The following CPXM2 variants were observed in gnomAD, a reference collection of about 807,000 sequenced individuals.
The protein encoded by CPXM2 is inactive carboxypeptidase-like protein X2.
A neutral mutation model predicts 86.1 loss-of-function variants in CPXM2; 66 were observed. The ratio of observed to expected loss-of-function variants is 0.77; its 90% CI spans 0.63 to 0.94. The LOEUF (loss-of-function observed/expected upper bound fraction) is 0.94, where lower values mean the gene tolerates loss of function less well. CPXM2 is among the 40% of genes least tolerant of loss of function. The probability of loss-of-function intolerance (pLI) is 0.00; values close to 1 mark genes in which losing one functional copy is unlikely to be tolerated. For missense variants in CPXM2, 948 were observed against 1,026.3 expected (o/e 0.92, Z 1.04); for synonymous variants, 388 against 400.2 (o/e 0.97, Z 0.36).
chr10:123,834,554 C>A (rs1024310491), intron 4 of CPXM2, among the ~76,000 whole-genome samples: 1 of 152,196 alleles, frequency 6.6e-6, no homozygotes, highest in African/African-American at 2.4e-5. Flanking sequence ...GGCTCCAGGG[C>A]AGCAGCAGGC....
intron 4 of CPXM2, 120 bp from the exon 5 acceptor site, chr10:123,799,319 C>A: frequency 8.7e-7 from 1 of 1,143,788 alleles, no homozygotes; most frequent in Non-Finnish European, 1.3e-6. Flanking sequence ...CAAACCCTGG[C>A]TCCAGGACAT....
In CPXM2 at chr10:123,842,448, C is replaced by T. The variant is rs1227507322; in HGVS notation, c.554G>A (p.Cys185Tyr). 3 of 1,614,070 alleles carry T rather than the reference C, an allele frequency of 1.9e-6. No individual in the cohort carries two copies. The highest frequency in any genetic ancestry group is 1.1e-5 in the South Asian group (1 of 91,086). ...NENDFYDGAW[C>Y]AGRNDLQQWI... ...CTGCTGGAGGTCATTTCTTCCCGCG[C>T]ACCACGCTCCGTCATAAAAATCATT... Residue 185 changes from cysteine to tyrosine, a missense_variant, in exon 4 of 14, where the codon TGC (cysteine) becomes TAC (tyrosine). Coordinates refer to ENST00000241305, the MANE Select transcript of CPXM2 (RefSeq NM_198148.3).
At position 123,754,616 on chromosome 10, in the gene CPXM2, A is replaced by T. The variant is rs546528104; in HGVS notation, c.2017+47T>A. On this transcript the variant is annotated intron_variant, in intron 13 of 13. Coordinates refer to ENST00000241305, the MANE Select transcript of CPXM2 (RefSeq NM_198148.3). This position sits in a 1 kb window ranked among gnomAD's most constrained non-coding sequence, Gnocchi z 4.0. ...GTAACCCAAGTAAAATGCCTAAAAAAATGGGTATTTCTTACCAAGAGACAG... is the reference window on the plus strand; with the variant it reads ...GTAACCCAAGTAAAATGCCTAAAAATATGGGTATTTCTTACCAAGAGACAG... 5.9e-5 allele frequency: 60 copies of T among 1,016,068 alleles called. No homozygotes were observed. In the Admixed American group the frequency reaches 1.0e-3, roughly 17 times the overall value. 62.9% of individuals were successfully genotyped at this position (1,016,068 alleles called of 1,614,324 possible).
intron 2 of CPXM2, among the ~76,000 whole-genome samples, chr10:123,928,327 T>C (rs1370456098): frequency 6.6e-6 from 1 of 152,228 alleles, no homozygotes; most frequent in East Asian, 1.9e-4. Flanking sequence ...AGTGGTGGAC[T>C]GTTTCTGTAT....
At chr10:123,930,050 T>C (rs1354476602) in intron 2 of CPXM2, among the ~76,000 whole-genome samples, 1 of 152,184 alleles carries the variant, frequency 6.6e-6, no homozygotes, top group Non-Finnish European at 1.5e-5. Flanking sequence ...CTGAAGAACC[T>C]GGCTCCCCTC....
At chr10:123,812,810 C>T (rs1445530758) in intron 4 of CPXM2, among the ~76,000 whole-genome samples, 2 of 152,128 alleles carry the variant, frequency 1.3e-5, no homozygotes, top group Non-Finnish European at 2.9e-5. Context: ...CAGTTTCATC[C>T]TAAAACCACC....
chr10:123,880,358 G>A (rs752264532), intron 1 of CPXM2, 49 bp from the exon 2 acceptor site: 1 of 834,192 alleles, frequency 1.2e-6, no homozygotes, highest in East Asian at 2.4e-5. Context: ...ATCAGAGCTG[G>A]TTCAAGATGC....
chr10:123,867,623 C>G (rs148290830), intron 2 of CPXM2, among the ~76,000 whole-genome samples: 2,607 of 150,998 alleles, frequency 0.017, 70 homozygotes, highest in South Asian at 0.085. Flanking sequence ...ACCTCCACCT[C>G]CCAGGTTCAA....
At chr10:123,802,060 G>A (rs1847470668) in intron 4 of CPXM2, among the ~76,000 whole-genome samples, 1 of 152,198 alleles carries the variant, frequency 6.6e-6, no homozygotes, top group African/African-American at 2.4e-5. Flanking sequence ...AGGGCACATG[G>A]CACTTGGAGG....
At chr10:123,780,146 G>A (rs1846898490) in intron 7 of CPXM2, 21 bp downstream of exon 7, 1 of 1,488,974 alleles carries the variant, frequency 6.7e-7, no homozygotes, top group Non-Finnish European at 9.4e-7. Context: ...CTGGCATGAG[G>A]CTTTGTGATC....
At chr10:123,749,707 C>T (rs1846033538) in intron 13 of CPXM2, among the ~76,000 whole-genome samples, 1 of 152,244 alleles carries the variant, frequency 6.6e-6, no homozygotes, top group East Asian at 1.9e-4. Context: ...TATACTGTTC[C>T]CACTGCTGTT....
chr10:123,781,376 G>A (rs1013906475), intron 6 of CPXM2, among the ~76,000 whole-genome samples: 7 of 152,208 alleles, frequency 4.6e-5, no homozygotes, highest in African/African-American at 1.7e-4. Context: ...GGAGAGGACA[G>A]GGAGGAGCAA....
intron 5 of CPXM2, 120 bp downstream of exon 5, chr10:123,798,995 G>T: frequency 9.1e-7 from 1 of 1,095,828 alleles, no homozygotes; most frequent in Non-Finnish European, 1.4e-6. Flanking sequence ...GACTGTAGTG[G>T]TAGGTTTGAG....
chr10:123,822,905 C>G (rs1311648375), intron 4 of CPXM2, among the ~76,000 whole-genome samples: 1 of 152,014 alleles, frequency 6.6e-6, no homozygotes, highest in Non-Finnish European at 1.5e-5. Context: ...TATGGGGTTT[C>G]TTTTTGGTAT....
chr10:123,811,574 A>C (rs1182001458), intron 4 of CPXM2, among the ~76,000 whole-genome samples: 1 of 152,232 alleles, frequency 6.6e-6, no homozygotes, highest in Non-Finnish European at 1.5e-5. Context: ...CCAAATCATA[A>C]AAGACAAATA....
chr10:123,797,908 G>A, intron 6 of CPXM2, 68 bp downstream of exon 6: 3 of 1,429,286 alleles, frequency 2.1e-6, no homozygotes, highest in Non-Finnish European at 2.8e-6. Context: ...ATTTTTATTT[G>A]TCTTGGCTGG....
chr10:123,757,164 T>C (rs2133979147), intron 12 of CPXM2, 49 bp downstream of exon 12: 1 of 1,577,586 alleles, frequency 6.3e-7, no homozygotes, highest in South Asian at 1.1e-5. Context: ...CTCGGCAGCC[T>C]CATCCCCCAG....
At chr10:123,780,332 G>A in intron 6 of CPXM2, 77 bp from the exon 7 acceptor site, 1 of 957,546 alleles carries the variant, frequency 1.0e-6, no homozygotes, top group Admixed American at 1.7e-5. Context: ...GACACATGGG[G>A]ACTGCACGGA....
Position 123,808,704 on chromosome 10 carries a change from T to C in CPXM2, c.654-9505A>G, listed in dbSNP as rs543935667. On this transcript the variant is annotated intron_variant, in intron 4 of 13. Coordinates refer to ENST00000241305, the MANE Select transcript of CPXM2 (RefSeq NM_198148.3). ...TTACTGAGTCAAGAACAATTATTTA[T>C]ACAATTTTTAAAAAATCATTAAACC... Among the ~76,000 whole-genome samples the C allele has an allele frequency of 2.0e-5, 3 of 152,284 alleles. No individual in the cohort carries two copies. The East Asian group carries it at 5.8e-4, about 29-fold the overall frequency.
Sources: gnomAD v4.1 joint callset for allele counts (sites outside exome capture counted in the v4.1 genomes callset) on GRCh38, gnomAD v4.1.1 for gene constraint, Gnocchi (gnomAD v3.1) non-coding constraint, MANE v1.5 for transcripts, NCBI Gene and HGNC (gene_info 2026-07-23, HGNC 2026-07-21) for gene names.